TRAPPC9: variants seen among roughly 807,000 people sequenced by gnomAD.
TRAPPC9 encodes trafficking protein particle complex subunit 9.
In TRAPPC9, 83 loss-of-function variants were observed where a neutral mutation model predicts 124.0. That is an observed-to-expected ratio of 0.67 (90% CI 0.56 to 0.80). The LOEUF (loss-of-function observed/expected upper bound fraction) is 0.80. TRAPPC9 is among the 30% of genes least tolerant of loss of function. The pLI, the probability that TRAPPC9 is intolerant of heterozygous loss-of-function variation, is 0.00. For synonymous variants in TRAPPC9, 638 were observed against 617.5 expected (o/e 1.03, Z -0.49); for missense variants, 1,302 against 1,508.3 (o/e 0.86, Z 2.27).
intron 19 of TRAPPC9, among the ~76,000 whole-genome samples, chr8:139,977,661 CCT>C: frequency 2.1e-5 from 1 of 48,012 alleles, no homozygotes; most frequent in Non-Finnish European, 4.7e-5. Context: ...CCTCCCTCCT[CCT>C]CATTCATTCA....
chr8:139,864,974 G>A (rs1268130472), intron 21 of TRAPPC9, among the ~76,000 whole-genome samples: 2 of 152,220 alleles, frequency 1.3e-5, no homozygotes, highest in Non-Finnish European at 1.5e-5. Flanking sequence ...GGAAGCTCAC[G>A]TGAAACTTTG....
intron 17 of TRAPPC9, among the ~76,000 whole-genome samples, chr8:140,102,363 C>T (rs148717350): frequency 0.013 from 1,925 of 152,172 alleles, 46 homozygotes; most frequent in African/African-American, 0.044. Flanking sequence ...AAAATCTTAG[C>T]CTGGGTCTCA....
At chr8:139,769,387 G>A (rs1820801336) in intron 21 of TRAPPC9, among the ~76,000 whole-genome samples, 1 of 152,218 alleles carries the variant, frequency 6.6e-6, no homozygotes, top group African/African-American at 2.4e-5. Flanking sequence ...CCTCCTAGGT[G>A]GCTCAGGGTG....
chr8:140,149,479 G>A (rs2061509589), intron 17 of TRAPPC9, among the ~76,000 whole-genome samples: 2 of 152,092 alleles, frequency 1.3e-5, no homozygotes, highest in South Asian at 2.1e-4. Flanking sequence ...AATTAGCCGG[G>A]TGTGGTGGCA....
At chr8:139,946,888 G>C (rs1476794217) in intron 19 of TRAPPC9, among the ~76,000 whole-genome samples, 2 of 152,208 alleles carry the variant, frequency 1.3e-5, no homozygotes, top group East Asian at 3.9e-4. Flanking sequence ...TCGGGAGGCT[G>C]AGGCAGGAGA....
intron 19 of TRAPPC9, among the ~76,000 whole-genome samples, chr8:139,949,507 C>T (rs1376256559): frequency 6.6e-6 from 1 of 152,104 alleles, no homozygotes; most frequent in African/African-American, 2.4e-5. Flanking sequence ...GTCCATCAAT[C>T]GATAAACCAC....
At chr8:140,075,094 C>T (rs1018230248) in intron 17 of TRAPPC9, among the ~76,000 whole-genome samples, 2 of 152,106 alleles carry the variant, frequency 1.3e-5, no homozygotes, top group South Asian at 4.1e-4. Context: ...AATGTGTGCC[C>T]ATCAAGAAGG....
chr8:140,320,411 A>G (rs892250865), intron 9 of TRAPPC9, among the ~76,000 whole-genome samples: 1 of 152,320 alleles, frequency 6.6e-6, no homozygotes, highest in African/African-American at 2.4e-5. Context: ...ACTAACACCA[A>G]GAACTGGGCA....
chr8:140,158,033 T>C (rs2061685199), intron 17 of TRAPPC9, among the ~76,000 whole-genome samples: 2 of 152,262 alleles, frequency 1.3e-5, no homozygotes, highest in African/African-American at 4.8e-5. Context: ...TGGACATTTA[T>C]GTTGCTTCTG....
At chr8:139,771,745 C>G (rs1364354960) in intron 21 of TRAPPC9, among the ~76,000 whole-genome samples, 1 of 152,216 alleles carries the variant, frequency 6.6e-6, no homozygotes, top group Non-Finnish European at 1.5e-5. Flanking sequence ...CCTGTGTGTG[C>G]AGACAGCGCA....
At chr8:140,228,324 T>TCTAC (rs1383455332) in intron 16 of TRAPPC9, among the ~76,000 whole-genome samples, 1 of 152,200 alleles carries the variant, frequency 6.6e-6, no homozygotes. Context: ...AGTCATAAAA[T>TCTAC]CTACAGGTGC....
chr8:139,785,131 G>A lies in TRAPPC9; in HGVS notation c.3056-52929C>T, dbSNP rs60140703. Among the ~76,000 whole-genome samples the A allele has an allele frequency of 4.0e-3, 604 of 152,270 alleles. 9 individuals are homozygous for A. The highest frequency in any genetic ancestry group is 0.014 in the African/African-American group (591 of 41,566). On this transcript the variant is annotated intron_variant, in intron 21 of 22. Coordinates refer to ENST00000438773, the MANE Select transcript of TRAPPC9 (RefSeq NM_001160372.4). ...TCCAGAAATAGATCTGCACATATAC[G>A]GACAAATGATGTTTGACAAATATGC...
chr8:140,399,144 T>G (rs754969433), intron 6 of TRAPPC9, among the ~76,000 whole-genome samples: 5 of 152,242 alleles, frequency 3.3e-5, no homozygotes, highest in Admixed American at 2.6e-4. Context: ...TTTCAGGAGA[T>G]GTATGGAAAC....
At chr8:140,398,399 G>A (rs749697272) in intron 6 of TRAPPC9, among the ~76,000 whole-genome samples, 6 of 152,178 alleles carry the variant, frequency 3.9e-5, no homozygotes, top group African/African-American at 9.7e-5. Flanking sequence ...ACTTCCTAGA[G>A]GCTTGTCGAA....
rs1831470907 is a variant in TRAPPC9 at position 139,907,999 on chromosome 8, G to A, written c.2964+2148C>T. Reference sequence around the variant, plus strand: ...ATGAAACCGCCCCAGGAGTCAGGTTGCCGACAAGGGTGACGTGGCCCAGGG... The same window carrying A: ...ATGAAACCGCCCCAGGAGTCAGGTTACCGACAAGGGTGACGTGGCCCAGGG... On this transcript the variant is annotated intron_variant, in intron 20 of 22. Coordinates refer to ENST00000438773, the MANE Select transcript of TRAPPC9 (RefSeq NM_001160372.4). This position sits in a 1 kb window ranked among gnomAD's most constrained non-coding sequence, Gnocchi z 4.7. Among the ~76,000 whole-genome samples, 1 of 152,182 alleles carries A rather than the reference G, an allele frequency of 6.6e-6. No individual in the cohort carries two copies. The highest frequency in any genetic ancestry group is 2.1e-4 in the South Asian group (1 of 4,828).
intron 19 of TRAPPC9, among the ~76,000 whole-genome samples, chr8:139,944,430 T>C (rs1834088201): frequency 6.6e-6 from 1 of 152,160 alleles, no homozygotes; most frequent in Non-Finnish European, 1.5e-5. Flanking sequence ...ATTTGACCAC[T>C]ATAGCTTCAA....
rs540846714 is a variant in TRAPPC9, at chr8:139,965,079, G to A, written c.2810+23647C>T. 7.9e-5 allele frequency among the ~76,000 whole-genome samples: 12 copies of A among 151,290 alleles called. No homozygotes were observed. In the South Asian group the frequency reaches 2.5e-3, roughly 32 times the overall value. On this transcript the variant is annotated intron_variant, in intron 19 of 22. Coordinates refer to ENST00000438773, the MANE Select transcript of TRAPPC9 (RefSeq NM_001160372.4). ...GGCTGGCTGTAACTCTCTGTGGACT[G>A]GCCTGTCTTCGTCCCTCAGCAGGGG...
At chr8:140,138,269 T>C (rs2061334898) in intron 17 of TRAPPC9, among the ~76,000 whole-genome samples, 1 of 152,154 alleles carries the variant, frequency 6.6e-6, no homozygotes, top group Non-Finnish European at 1.5e-5. Context: ...ACCACTGCAC[T>C]CCAGCCTGGG....
chr8:139,924,355 C>T (rs1035613867), intron 19 of TRAPPC9, among the ~76,000 whole-genome samples: 1 of 152,176 alleles, frequency 6.6e-6, no homozygotes, highest in African/African-American at 2.4e-5. Context: ...AGGAGCCCTG[C>T]ACCTGACCCG....
Sources: allele counts gnomAD v4.1 joint callset (sites outside exome capture counted in the v4.1 genomes callset), GRCh38; gene constraint gnomAD v4.1.1; non-coding constraint Gnocchi (gnomAD v3.1); transcripts MANE v1.5; gene names NCBI Gene and HGNC (gene_info 2026-07-23, HGNC 2026-07-21).